LRCH4: variants seen among roughly 807,000 people sequenced by gnomAD.
LRCH4 encodes leucine rich repeats and calponin homology domain containing 4, also known as leucine-rich repeat and calponin homology domain-containing protein 4.
In LRCH4, 56 loss-of-function variants were observed where a neutral mutation model predicts 81.2. The ratio of observed to expected loss-of-function variants is 0.69; its 90% CI spans 0.56 to 0.86. The LOEUF is 0.86. Among genes scored for constraint, LRCH4 ranks in the 40% least tolerant of loss-of-function variants. LRCH4 has a pLI of 0.00. For synonymous variants in LRCH4, 442 were observed against 409.7 expected (o/e 1.08, Z -0.95); for missense variants, 895 against 922.8 (o/e 0.97, Z 0.39).
In LRCH4 at chr7:100,578,209, AG is replaced by A. The variant is rs764938450; in HGVS notation, c.897del (p.Ser300GlnfsTer80). On this transcript the variant is annotated frameshift_variant, in exon 7 of 18. Coordinates refer to ENST00000310300, the MANE Select transcript of LRCH4 (RefSeq NM_002319.5). LOFTEE classifies it high-confidence loss of function. The surrounding 1 kb of genome is among the most constrained non-coding windows in gnomAD (Gnocchi z 5.7). ...FPGHRYDGGL[D>X]SGFHSVDSGS... ...CCACTATCAACGCTGTGGAAGCCTG[AG>A]TCCAGCCCACCATCGTACCGATGTC... 1 of 1,614,222 alleles carries A rather than the reference AG, an allele frequency of 6.2e-7. No individual in the cohort carries two copies. Among genetic ancestry groups the A allele is most frequent in the South Asian group, 1.1e-5 (1 of 91,084 alleles).
chr7:100,577,753 G>A lies in LRCH4; in HGVS notation c.1040-13C>T. ...GGGTCTCCGTCCGCTGGGGAGGCCAGCATGTCAGCAAGTGAGCGGGGACCC... is the reference window on the plus strand; with the variant it reads ...GGGTCTCCGTCCGCTGGGGAGGCCAACATGTCAGCAAGTGAGCGGGGACCC... On this transcript the variant is annotated splice_polypyrimidine_tract_variant and intron_variant, in intron 8 of 17. Transcript: ENST00000310300. This position sits in a 1 kb window ranked among gnomAD's most constrained non-coding sequence, Gnocchi z 6.7. 1.2e-6 allele frequency: 2 copies of A among 1,614,100 alleles called. No individual in the cohort carries two copies. The highest frequency in any genetic ancestry group is 1.7e-6 in the Non-Finnish European group (2 of 1,179,974).
intron 4 of LRCH4, chr7:100,579,068 T>A (rs895684964): frequency 4.1e-5 from 19 of 467,056 alleles, no homozygotes; most frequent in Admixed American, 3.1e-4. Flanking sequence ...GCCCTGTCTG[T>A]CCTCCTCATC....
At position 100,582,619 on chromosome 7, in the gene LRCH4, C is replaced by A. The variant is rs182354474; in HGVS notation, c.221-160G>T. 6.6e-6 allele frequency among the ~76,000 whole-genome samples: 1 copy of A among 152,212 alleles called. No individual in the cohort carries two copies. Among genetic ancestry groups the A allele is most frequent in the South Asian group, 2.1e-4 (1 of 4,836 alleles). ...GAGAGATAACAAAGCCTTCTGCCAA[C>A]GGGAGCACATTCCAGGCGTGACCAG... On this transcript the variant is annotated intron_variant, in intron 1 of 17. Transcript: ENST00000310300. This position sits in a 1 kb window ranked among gnomAD's most constrained non-coding sequence, Gnocchi z 5.0.
At position 100,577,336 on chromosome 7, in the gene LRCH4, C is replaced by T. The variant is rs1562805671; in HGVS notation, c.1232G>A (p.Trp411Ter). 6 of 1,599,478 alleles carry T rather than the reference C, an allele frequency of 3.8e-6. No individual in the cohort carries two copies. Among genetic ancestry groups the T allele is most frequent in the African/African-American group, 1.3e-5 (1 of 74,900 alleles). Residue 411 changes from tryptophan to a stop codon, truncating the protein, a stop_gained, in exon 11 of 18, where the codon TGG becomes TAG. Coordinates refer to ENST00000310300, the MANE Select transcript of LRCH4 (RefSeq NM_002319.5). LOFTEE classifies it high-confidence loss of function. This position sits in a 1 kb window ranked among gnomAD's most constrained non-coding sequence, Gnocchi z 6.7. ...ERRRPDTLQL[W>*]QERERRQQQQ... ...CTGCTGCCGCCGTTCCCGCTCCTGCCACAGCTGCAAGGTGTCCGGGCGCCG... is the reference window on the plus strand; with the variant it reads ...CTGCTGCCGCCGTTCCCGCTCCTGCTACAGCTGCAAGGTGTCCGGGCGCCG...
At chr7:100,584,485 A>G (rs1801659744) in intron 1 of LRCH4, among the ~76,000 whole-genome samples, 1 of 151,970 alleles carries the variant, frequency 6.6e-6, no homozygotes, top group African/African-American at 2.4e-5. Context: ...CCAAGAGTCC[A>G]CACAGGGAGA....
chr7:100,576,852 C>T (rs1042507487), intron 13 of LRCH4, 50 bp downstream of exon 13: 1 of 1,536,546 alleles, frequency 6.5e-7, no homozygotes, highest in Non-Finnish European at 8.8e-7. Context: ...CTCTCCCAAC[C>T]AGCCCTCACC....
rs183781773 is a variant in LRCH4, at chr7:100,582,222, T to C, written c.366-55A>G. On this transcript the variant is annotated intron_variant, in intron 2 of 17. Coordinates refer to ENST00000310300, the MANE Select transcript of LRCH4 (RefSeq NM_002319.5). This position sits in a 1 kb window ranked among gnomAD's most constrained non-coding sequence, Gnocchi z 5.0. ...CTCCCCAGGCATGGCATCCCAGCAC[T>C]GCCATCCTCTCGGGGTCACTGGGTG... 5 of 1,613,418 alleles carry C rather than the reference T, an allele frequency of 3.1e-6. No homozygotes were observed. The South Asian group carries it at 4.4e-5, about 14-fold the overall frequency.
Position 100,584,223 on chromosome 7 carries a change from G to T in LRCH4, c.220+1658C>A, listed in dbSNP as rs1328771036. On this transcript the variant is annotated intron_variant, in intron 1 of 17. Coordinates refer to ENST00000310300, the MANE Select transcript of LRCH4 (RefSeq NM_002319.5). ...AGGGTATGGGCAACTGTATGTTTTT[G>T]TCACTTCCCCTTTCTGTCCCTGCTT... The T allele has an allele frequency of 5.0e-5, 23 of 456,590 alleles. No individual in the cohort carries two copies. In the East Asian group the frequency reaches 1.5e-3, roughly 29 times the overall value. The allele number at this position is 456,590 out of a possible 1,614,324, so 28.3% of individuals were successfully genotyped here.
chr7:100,576,595 A>AAGGTACAAC (rs1466662854), intron 14 of LRCH4, 99 bp downstream of exon 14: 11 of 1,015,568 alleles, frequency 1.1e-5, no homozygotes, highest in African/African-American at 1.7e-5. Context: ...AAAGGTACAA[A>AAGGTACAAC]AGGTACAACA....
chr7:100,584,548 A>AG, intron 1 of LRCH4: 3 of 350,938 alleles, frequency 8.5e-6, no homozygotes, highest in Non-Finnish European at 1.7e-5. Context: ...AAAACAACCA[A>AG]GGGGGAGGGG....
At chr7:100,581,742 C>T (rs749925990) in intron 4 of LRCH4, 35 bp downstream of exon 4, 1 of 1,600,382 alleles carries the variant, frequency 6.2e-7, no homozygotes, top group Admixed American at 1.7e-5. Context: ...GACGCACATA[C>T]AAACACCTCC....
At chr7:100,579,233 G>A (rs773809937) in intron 4 of LRCH4, 20 of 197,140 alleles carry the variant, frequency 1.0e-4, no homozygotes, top group African/African-American at 9.4e-5. Context: ...TCCCCAGCAC[G>A]GGCCCAGCAC....
chr7:100,585,235 A>G (rs2131235269), intron 1 of LRCH4: 1 of 168,032 alleles, frequency 6.0e-6, no homozygotes, highest in Middle Eastern at 2.8e-3. Context: ...CAGGCTTAGG[A>G]AGGAGGAGGA....
chr7:100,578,099 G>A lies in LRCH4; in HGVS notation c.948+60C>T. 6.5e-7 allele frequency: 1 copy of A among 1,539,814 alleles called. No homozygotes were observed. The highest frequency in any genetic ancestry group is 1.4e-5 in the African/African-American group (1 of 73,472). On this transcript the variant is annotated intron_variant, in intron 7 of 17. Transcript: ENST00000310300. This position sits in a 1 kb window ranked among gnomAD's most constrained non-coding sequence, Gnocchi z 5.7. The stretch of plus-strand genomic sequence containing the variant: ...GCACCCTGCAATTTGGAGGTCCCCA[G>A]TTCAGAGGTGCTCTCCCAGGGCTGA...
At position 100,585,944 on chromosome 7, in the gene LRCH4, G is replaced by T. The variant is rs748420896; in HGVS notation, c.157C>A (p.Arg53Ser). The change falls in exon 1 of 18, where the codon CGC (arginine) becomes AGC (serine). Residue 53 changes from arginine to serine, a missense_variant. By Grantham distance (110) the Arg-to-Ser change is moderately radical (BLOSUM62 -1). This residue lies in a region of LRCH4 where 360 missense variants were observed against 397.0 expected (regional missense o/e 0.91). Transcript: ENST00000310300. ...ATGTLNLSNR[R>S]LKHFPRGAAR... ...GCGCCCCGGGGGAAGTGCTTCAAGC[G>T]CCGGTTAGACAGGTTCAGGGTCCCG... The T allele has an allele frequency of 6.2e-7, 1 of 1,612,360 alleles. No homozygotes were observed. Among genetic ancestry groups the T allele is most frequent in the African/African-American group, 1.3e-5 (1 of 74,814 alleles).
chr7:100,575,647 T>G lies in LRCH4; in HGVS notation c.1854+58A>C. 1.9e-6 allele frequency: 3 copies of G among 1,586,004 alleles called. No homozygotes were observed. In the South Asian group the frequency reaches 3.3e-5, roughly 18 times the overall value. ...GCTGCAAATGGAAGCCCACCATCCATGCCACATGCTCGGCTGAGTCCGGCA... is the reference window on the plus strand; with the variant it reads ...GCTGCAAATGGAAGCCCACCATCCAGGCCACATGCTCGGCTGAGTCCGGCA... On this transcript the variant is annotated intron_variant, in intron 17 of 17. Transcript: ENST00000310300. The surrounding 1 kb of genome is among the most constrained non-coding windows in gnomAD (Gnocchi z 5.3).
chr7:100,584,641 T>C (rs769019703), intron 1 of LRCH4: 17 of 454,324 alleles, frequency 3.7e-5, no homozygotes, highest in African/African-American at 2.8e-4. Context: ...GGAACAGGGC[T>C]GTAAGGGGCA....
In LRCH4 at chr7:100,575,560, G is replaced by C; in HGVS notation, c.1854+145C>G. The C allele has an allele frequency of 9.8e-7, 1 of 1,025,314 alleles. No individual in the cohort carries two copies. Among genetic ancestry groups the C allele is most frequent in the South Asian group, 1.3e-5 (1 of 78,790 alleles). The allele number at this position is 1,025,314 out of a possible 1,614,324, so 63.5% of individuals were successfully genotyped here. ...TGACATGCAGGGCAGGGGGCATGCA[G>C]GGCAGGGGGCATGCTGGGCAGGGCA... On this transcript the variant is annotated intron_variant, in intron 17 of 17. Coordinates refer to ENST00000310300, the MANE Select transcript of LRCH4 (RefSeq NM_002319.5). This position sits in a 1 kb window ranked among gnomAD's most constrained non-coding sequence, Gnocchi z 5.3.
intron 4 of LRCH4, chr7:100,579,696 A>T (rs907974267): frequency 6.6e-6 from 1 of 151,992 alleles, no homozygotes; most frequent in East Asian, 1.9e-4. Context: ...GGCTTCCACA[A>T]CCTGGCTCCA....
Sources: allele counts gnomAD v4.1 joint callset (sites outside exome capture counted in the v4.1 genomes callset), GRCh38; gene constraint gnomAD v4.1.1; regional missense constraint gnomAD v4.1.1; non-coding constraint Gnocchi (gnomAD v3.1); transcripts MANE v1.5; gene names NCBI Gene and HGNC (gene_info 2026-07-23, HGNC 2026-07-21).